The following VIPAS39 variants were observed in gnomAD, a reference collection of about 807,000 sequenced individuals.
VIPAS39 encodes VPS33B interacting protein, apical-basolateral polarity regulator, spe-39 homolog.
VIPAS39 carries 63 observed loss-of-function variants against 84.7 expected under a neutral mutation model. That is an observed-to-expected ratio of 0.74 (90% confidence interval 0.61 to 0.92). The LOEUF (loss-of-function observed/expected upper bound fraction) is 0.92. VIPAS39 is among the 40% of genes least tolerant of loss of function. VIPAS39 has a pLI of 0.00. For synonymous variants in VIPAS39, 192 were observed against 216.5 expected, an observed-to-expected ratio of 0.89 and a Z score of 0.99; for missense variants, 499 against 604.5, an observed-to-expected ratio of 0.83 and a Z score of 1.83.
At chr14:77,437,029 C>A (rs549215324) in intron 12 of VIPAS39, among the ~76,000 whole-genome samples, 1 of 152,244 alleles carries the variant, frequency 6.6e-6, no homozygotes, top group East Asian at 1.9e-4. Flanking sequence ...TCCTTGTTTT[C>A]CAGAGGCCAT....
chr14:77,448,188 T>C (rs1471446028), intron 7 of VIPAS39, among the ~76,000 whole-genome samples: 2 of 147,740 alleles, frequency 1.4e-5, no homozygotes, highest in Non-Finnish European at 3.0e-5. Flanking sequence ...TCTCTTGACC[T>C]CGTGATCCAC....
At chr14:77,429,830 T>G in intron 16 of VIPAS39, 63 bp from the exon 17 acceptor site, 1 of 1,445,074 alleles carries the variant, frequency 6.9e-7, no homozygotes, top group Non-Finnish European at 9.7e-7. Context: ...TCTAGGTTAG[T>G]CTATGTTTTA....
At chr14:77,427,793 A>T (rs184336877) in intron 19 of VIPAS39, among the ~76,000 whole-genome samples, 157 bp from the exon 20 acceptor site, 1 of 152,344 alleles carries the variant, frequency 6.6e-6, no homozygotes, top group Admixed American at 6.5e-5. Flanking sequence ...GAAATTTTTT[A>T]AAATATATGG....
At chr14:77,443,836 G>C (rs886687541) in intron 8 of VIPAS39, among the ~76,000 whole-genome samples, 2 of 145,752 alleles carry the variant, frequency 1.4e-5, no homozygotes, top group Non-Finnish European at 3.0e-5. Flanking sequence ...TTGTCCTACT[G>C]CACACTAGCC....
chr14:77,443,872 C>A (rs2078741682), intron 8 of VIPAS39, among the ~76,000 whole-genome samples: 13 of 102,370 alleles, frequency 1.3e-4, no homozygotes, highest in African/African-American at 3.6e-4. Flanking sequence ...GACTCCATCT[C>A]AAAAAAAAAA....
intron 14 of VIPAS39, 136 bp downstream of exon 14, chr14:77,435,123 G>T (rs1594897722): frequency 7.2e-7 from 1 of 1,398,208 alleles, no homozygotes; most frequent in Admixed American, 1.7e-5. Flanking sequence ...CCCTGGTGAG[G>T]GCCAGGAAAG....
chr14:77,448,455 A>G, intron 7 of VIPAS39, 39 bp downstream of exon 7: 1 of 1,604,460 alleles, frequency 6.2e-7, no homozygotes, highest in Non-Finnish European at 8.5e-7. Context: ...CAAGCTGCCC[A>G]GCTTCCCAAA....
intron 14 of VIPAS39, among the ~76,000 whole-genome samples, chr14:77,434,961 T>C (rs143992758): frequency 7.6e-4 from 116 of 151,718 alleles, no homozygotes; most frequent in Non-Finnish European, 1.2e-3. Flanking sequence ...CTCCACATCA[T>C]GCTAATCCAT....
At chr14:77,440,216 T>C (rs2078680200) in intron 11 of VIPAS39, 1 of 151,992 alleles carries the variant, frequency 6.6e-6, no homozygotes, top group Non-Finnish European at 1.5e-5. Context: ...TTTTTTTTTT[T>C]TTTTTTTAAC....
chr14:77,428,298 C>T (rs1235763682), intron 19 of VIPAS39, 72 bp downstream of exon 19: 3 of 1,382,096 alleles, frequency 2.2e-6, no homozygotes, highest in Non-Finnish European at 1.0e-6. Flanking sequence ...ACCTTGGGAA[C>T]ATACATTTGG....
At position 77,449,786 on chromosome 14, in the gene VIPAS39, A is replaced by G. The variant is rs755903037; in HGVS notation, c.344-34T>C. 8 of 1,613,624 alleles carry G rather than the reference A, an allele frequency of 5.0e-6. No individual in the cohort carries two copies. In the African/African-American group the frequency reaches 9.3e-5, roughly 19 times the overall value. ...AAAGAACACAAGAGGGAAAAGGTCA[A>G]CAGTTTCAATCAGAGCCATCCAGGC... On this transcript the variant is annotated intron_variant, in intron 4 of 19. Coordinates refer to ENST00000557658, the MANE Select transcript of VIPAS39 (RefSeq NM_001193315.2).
intron 1 of VIPAS39, 73 bp downstream of exon 1, chr14:77,457,422 G>T: frequency 6.5e-7 from 1 of 1,533,710 alleles, no homozygotes; most frequent in South Asian, 1.2e-5. Flanking sequence ...TCCTAGAAGA[G>T]GGGAAAAGAT....
chr14:77,436,003 T>G (rs899522413), intron 12 of VIPAS39, 84 bp from the exon 13 acceptor site: 4 of 1,395,762 alleles, frequency 2.9e-6, no homozygotes, highest in Non-Finnish European at 4.1e-6. Flanking sequence ...AGCATAAGTA[T>G]AAGAGGCTCA....
At position 77,427,343 on chromosome 14, in the gene VIPAS39, TAG is replaced by T; in HGVS notation, c.*271_*272del. ...TCAGACCAAGTGAGATCTTACCCAG[TAG>T]GGGCCCAATCTAGAAATCACTCCCA... On this transcript the variant is annotated 3_prime_UTR_variant, in exon 20 of 20. Transcript: ENST00000557658. 1.9e-6 allele frequency: 1 copy of T among 524,650 alleles called. No homozygotes were observed. Among genetic ancestry groups the T allele is most frequent in the South Asian group, 2.2e-5 (1 of 44,840 alleles). 32.5% of individuals were successfully genotyped at this position (524,650 alleles called of 1,614,324 possible).
chr14:77,448,055 A>C (rs1235526478), intron 7 of VIPAS39, among the ~76,000 whole-genome samples: 1 of 149,780 alleles, frequency 6.7e-6, no homozygotes, highest in African/African-American at 2.5e-5. Flanking sequence ...CCTGGGTTCA[A>C]GTGATTCTCC....
intron 2 of VIPAS39, 29 bp from the exon 3 acceptor site, chr14:77,453,430 C>T: frequency 5.0e-6 from 8 of 1,600,732 alleles, no homozygotes; most frequent in Non-Finnish European, 4.3e-6. Context: ...CTAGGGTGCT[C>T]AGGCAAATCA....
chr14:77,440,980 A>T (rs2078694105), intron 11 of VIPAS39, 86 bp downstream of exon 11: 3 of 1,551,540 alleles, frequency 1.9e-6, no homozygotes, highest in Non-Finnish European at 2.7e-6. Flanking sequence ...GGCCTCCCAA[A>T]GTGCTGGGAT....
chr14:77,441,092 A>G lies in VIPAS39; in HGVS notation c.736T>C (p.Phe246Leu), dbSNP rs1338846638. Residue 246 changes from phenylalanine to leucine, a missense_variant and splice_region_variant, in exon 11 of 20, where the codon TTC (phenylalanine) becomes CTC (leucine). Physicochemically the swap from Phe to Leu is conservative, Grantham distance 22. Coordinates refer to ENST00000557658, the MANE Select transcript of VIPAS39 (RefSeq NM_001193315.2). ...DQKLLLDLFRFLDRTEELALS... is the reference protein window; with the variant it reads ...DQKLLLDLFRLLDRTEELALS... The stretch of plus-strand genomic sequence containing the variant: ...GCAAGCTCTTCTGTTCTATCTAGGA[A>G]CCTGGGAAGAAGCAGAAGGGAGCAG... 5.0e-6 allele frequency: 8 copies of G among 1,611,654 alleles called. No homozygotes were observed. The highest frequency in any genetic ancestry group is 6.8e-6 in the Non-Finnish European group (8 of 1,179,592).
At chr14:77,428,282 T>C in intron 19 of VIPAS39, 88 bp downstream of exon 19, 1 of 1,248,668 alleles carries the variant, frequency 8.0e-7, no homozygotes, top group Admixed American at 1.9e-5. Flanking sequence ...ACTGCAATCC[T>C]TCCAGACCTT....
Sources: gnomAD v4.1 joint callset for allele counts (sites outside exome capture counted in the v4.1 genomes callset) on GRCh38, gnomAD v4.1.1 for gene constraint, MANE v1.5 for transcripts, NCBI Gene and HGNC (gene_info 2026-07-23, HGNC 2026-07-21) for gene names.